Variants in PYGB observed in about 807,000 individuals in gnomAD.
PYGB encodes glycogen phosphorylase, brain form.
A neutral mutation model predicts 94.3 loss-of-function variants in PYGB; 82 were observed. That is an observed-to-expected ratio of 0.87 (90% confidence interval 0.73 to 1.04). The LOEUF is 1.04. Ranked by LOEUF, PYGB falls within the 50% of genes least tolerant of loss-of-function variation. The pLI is 0.00. For missense variants in PYGB, 1,132 were observed against 1,158.2 expected (o/e 0.98, Z 0.33); for synonymous variants, 488 against 479.1 (o/e 1.02, Z -0.24).
At chr20:25,252,321 A>C (rs937575030) in intron 1 of PYGB, among the ~76,000 whole-genome samples, 1 of 152,172 alleles carries the variant, frequency 6.6e-6, no homozygotes, top group Non-Finnish European at 1.5e-5. Flanking sequence ...TTATGTGTCA[A>C]CTTGGCTGTT....
intron 16 of PYGB, 30 bp downstream of exon 16, chr20:25,290,652 A>G (rs767099786): frequency 1.9e-6 from 3 of 1,585,088 alleles, no homozygotes; most frequent in East Asian, 4.5e-5. Flanking sequence ...TTGGACAGAA[A>G]ACTCACTCCT....
At chr20:25,274,477 A>G in intron 4 of PYGB, 115 bp from the exon 5 acceptor site, 1 of 1,379,646 alleles carries the variant, frequency 7.2e-7, no homozygotes, top group Admixed American at 2.7e-5. Flanking sequence ...GGCTGTAGGT[A>G]AATTTCAGTG....
At chr20:25,279,906 T>C (rs1449307514) in intron 9 of PYGB, among the ~76,000 whole-genome samples, 1 of 152,212 alleles carries the variant, frequency 6.6e-6, no homozygotes, top group Non-Finnish European at 1.5e-5. Flanking sequence ...CTCCCCACCA[T>C]GTCTGGCCAC....
intron 1 of PYGB, among the ~76,000 whole-genome samples, chr20:25,256,570 C>T (rs550105889): frequency 6.6e-6 from 1 of 152,100 alleles, no homozygotes; most frequent in Non-Finnish European, 1.5e-5. Context: ...TGTCATATTG[C>T]AAGAAGGGAC....
At position 25,294,166 on chromosome 20, in the gene PYGB, C is replaced by T; in HGVS notation, c.2186C>T (p.Ala729Val). Residue 729 changes from alanine to valine, a missense_variant, in exon 18 of 20, where the codon GCC becomes GTC. Ala to Val is a moderately conservative substitution (Grantham distance 64). Coordinates refer to ENST00000216962, the MANE Select transcript of PYGB (RefSeq NM_002862.4). ...VEALDRKGYN[A>V]REYYDHLPEL... ...GGCCCATCGCCTCACAGGTACAATG[C>T]CAGGGAGTACTACGACCACCTGCCC... The T allele has an allele frequency of 6.2e-7, 1 of 1,613,646 alleles. No individual in the cohort carries two copies. Among genetic ancestry groups the T allele is most frequent in the Non-Finnish European group, 8.5e-7 (1 of 1,180,002 alleles).
chr20:25,263,325 C>G (rs894831554), intron 2 of PYGB, among the ~76,000 whole-genome samples: 3 of 152,160 alleles, frequency 2.0e-5, no homozygotes, highest in African/African-American at 7.2e-5. Context: ...CTCAAAACCA[C>G]ACAACTACAT....
intron 7 of PYGB, among the ~76,000 whole-genome samples, chr20:25,277,760 A>C (rs2088326788): frequency 1.3e-5 from 2 of 152,182 alleles, no homozygotes; most frequent in South Asian, 4.1e-4. Context: ...GGACATTTGA[A>C]AGGTCCTTGG....
At position 25,277,366 on chromosome 20, in the gene PYGB, G is replaced by A. The variant is rs201993490; in HGVS notation, c.855+40G>A. 6.3e-5 allele frequency: 96 copies of A among 1,517,882 alleles called. 2 individuals carry two copies. In the South Asian group the frequency reaches 9.1e-4, roughly 14 times the overall value. The allele number at this position is 1,517,882 out of a possible 1,614,324, so 94.0% of individuals were successfully genotyped here. On this transcript the variant is annotated intron_variant, in intron 7 of 19. Transcript: ENST00000216962. ...TGGGCACTCTTGCTCAGGCCGTATC[G>A]CTTTCTGGCATAGAGAGGTGGGCTG...
intron 19 of PYGB, 56 bp from the exon 20 acceptor site, chr20:25,296,314 T>G: frequency 6.2e-7 from 1 of 1,600,636 alleles, no homozygotes; most frequent in Non-Finnish European, 8.6e-7. Context: ...ATCCCATGTT[T>G]TTAGCAGCCC....
intron 1 of PYGB, among the ~76,000 whole-genome samples, chr20:25,251,635 C>G (rs1319668804): frequency 6.6e-6 from 1 of 152,118 alleles, no homozygotes; most frequent in African/African-American, 2.4e-5. Context: ...CAGCCCATGC[C>G]CAGTTATGAG....
chr20:25,291,239 G>T (rs2088465099), intron 16 of PYGB, among the ~76,000 whole-genome samples: 1 of 152,228 alleles, frequency 6.6e-6, no homozygotes, highest in South Asian at 2.1e-4. Flanking sequence ...GTCCTGGGGA[G>T]ACCCTGGGAT....
chr20:25,292,259 C>CA (rs1555808481), intron 16 of PYGB, 147 bp from the exon 17 acceptor site: 88,182 of 842,566 alleles, frequency 0.1, 5,344 homozygotes, highest in African/African-American at 0.13. Context: ...CCTGTGGGAG[C>CA]GGGAGTGGGG....
Position 25,296,631 on chromosome 20 carries a change from G to A in PYGB, c.*109G>A. The stretch of plus-strand genomic sequence containing the variant: ...CCACTGGTGGTCCCTGCTTTTCTGA[G>A]TACCATGTTTCCAGGAGGGGCCATG... On this transcript the variant is annotated 3_prime_UTR_variant, in exon 20 of 20. Coordinates refer to ENST00000216962, the MANE Select transcript of PYGB (RefSeq NM_002862.4). 7.1e-7 allele frequency: 1 copy of A among 1,402,930 alleles called. No homozygotes were observed. The highest frequency in any genetic ancestry group is 2.2e-5 in the Admixed American group (1 of 45,946). 86.9% of individuals were successfully genotyped at this position (1,402,930 alleles called of 1,614,324 possible). A position where few individuals can be genotyped will look rare whatever the true frequency, so the allele number is the denominator to read the frequency against.
At chr20:25,267,014 T>C (rs547490636) in intron 2 of PYGB, among the ~76,000 whole-genome samples, 13 of 152,328 alleles carry the variant, frequency 8.5e-5, no homozygotes, top group Admixed American at 4.6e-4. Flanking sequence ...TGAAAACATA[T>C]GTCTACATGA....
At chr20:25,260,053 G>T (rs532556552) in intron 2 of PYGB, among the ~76,000 whole-genome samples, 232 of 152,204 alleles carry the variant, frequency 1.5e-3, no homozygotes, top group Non-Finnish European at 2.6e-3. Flanking sequence ...TTTGTTGGGG[G>T]CAAATGTCTT....
In PYGB at chr20:25,276,822, C is replaced by T. The variant is rs554408041; in HGVS notation, c.772+65C>T. ...GTGGCTGGTCCCAGACACCCTCGCC[C>T]ACAGCCTTTACCGCGCCCTGTGGCT... On this transcript the variant is annotated intron_variant, in intron 6 of 19. Coordinates refer to ENST00000216962, the MANE Select transcript of PYGB (RefSeq NM_002862.4). 35 of 1,473,654 alleles carry T rather than the reference C, an allele frequency of 2.4e-5. No homozygotes were observed. In the African/African-American group the frequency reaches 4.6e-4, roughly 19 times the overall value. The allele number at this position is 1,473,654 out of a possible 1,614,324, so 91.3% of individuals were successfully genotyped here. A position where few individuals can be genotyped will look rare whatever the true frequency, so the allele number is the denominator to read the frequency against.
At position 25,284,324 on chromosome 20, in the gene PYGB, G is replaced by C. The variant is rs1457605218; in HGVS notation, c.1768+73G>C. 3 of 1,556,632 alleles carry C rather than the reference G, an allele frequency of 1.9e-6. No homozygotes were observed. In the African/African-American group the frequency reaches 4.1e-5, roughly 21 times the overall value. On this transcript the variant is annotated intron_variant, in intron 14 of 19. Coordinates refer to ENST00000216962, the MANE Select transcript of PYGB (RefSeq NM_002862.4). ...TGCCCTTGCCCGCCAGCTGTGCACA[G>C]ACCCTGGGCCTCTGTCATGGTGGGG...
chr20:25,259,564 T>C (rs1031674244), intron 2 of PYGB, among the ~76,000 whole-genome samples: 2 of 152,182 alleles, frequency 1.3e-5, no homozygotes, highest in African/African-American at 4.8e-5. Context: ...TGGGGTTGAA[T>C]TGGGATGCGA....
At chr20:25,257,979 G>A (rs2092905953) in intron 1 of PYGB, among the ~76,000 whole-genome samples, 1 of 152,200 alleles carries the variant, frequency 6.6e-6, no homozygotes, top group Non-Finnish European at 1.5e-5. Flanking sequence ...GTGAGTGACA[G>A]CAGCAGTAGT....
Sources: gnomAD v4.1 joint callset for allele counts (sites outside exome capture counted in the v4.1 genomes callset) on GRCh38, gnomAD v4.1.1 for gene constraint, MANE v1.5 for transcripts, NCBI Gene and HGNC (gene_info 2026-07-23, HGNC 2026-07-21) for gene names.